PCDH15: variants seen among roughly 807,000 people sequenced by gnomAD.
The protein encoded by PCDH15 is protocadherin-15.
PCDH15 carries 129 observed loss-of-function variants against 178.5 expected under a neutral mutation model. That is an observed-to-expected ratio of 0.72 (90% CI 0.63 to 0.84). PCDH15 has a LOEUF of 0.84. PCDH15 is among the 40% of genes least tolerant of loss of function. PCDH15 has a pLI of 0.00. For synonymous variants in PCDH15, 800 were observed against 732.0 expected (o/e 1.09, Z -1.50); for missense variants, 2,230 against 2,099.9 (o/e 1.06, Z -1.21).
chr10:54,900,755 T>C (rs1404271797), intron 2 of PCDH15, among the ~76,000 whole-genome samples: 1 of 152,188 alleles, frequency 6.6e-6, no homozygotes, highest in African/African-American at 2.4e-5. Context: ...AGTGTGGAAA[T>C]TAACCTTCAG....
At chr10:54,558,147 T>C (rs936794979) in intron 2 of PCDH15, among the ~76,000 whole-genome samples, 2 of 152,130 alleles carry the variant, frequency 1.3e-5, no homozygotes, top group Non-Finnish European at 2.9e-5. Flanking sequence ...GATTGATTAT[T>C]TGTGCAGATG....
chr10:55,441,339 T>C (rs1839178958), intron 2 of PCDH15, among the ~76,000 whole-genome samples: 1 of 152,214 alleles, frequency 6.6e-6, no homozygotes, highest in Non-Finnish European at 1.5e-5. Context: ...ACCTAGCCTT[T>C]GTGTTTGTTC....
At chr10:55,126,607 A>G (rs1009421652) in intron 2 of PCDH15, among the ~76,000 whole-genome samples, 3 of 152,106 alleles carry the variant, frequency 2.0e-5, no homozygotes, top group African/African-American at 7.2e-5. Flanking sequence ...TGCTGAGAAA[A>G]TAGAAGATAC....
At chr10:54,431,862 G>C (rs1957003803) in intron 3 of PCDH15, among the ~76,000 whole-genome samples, 1 of 152,000 alleles carries the variant, frequency 6.6e-6, no homozygotes, top group African/African-American at 2.4e-5. Flanking sequence ...AAAACCTACA[G>C]ACTCTATCAA....
At chr10:54,578,454 T>A (rs1234742257) in intron 2 of PCDH15, among the ~76,000 whole-genome samples, 1 of 152,138 alleles carries the variant, frequency 6.6e-6, no homozygotes, top group Non-Finnish European at 1.5e-5. Context: ...AGAGAATGAT[T>A]TTAGCAGATT....
At chr10:54,112,846 C>A (rs868623426) in intron 15 of PCDH15, among the ~76,000 whole-genome samples, 1 of 152,084 alleles carries the variant, frequency 6.6e-6, no homozygotes, top group Non-Finnish European at 1.5e-5. Flanking sequence ...GGTAACAGTT[C>A]ATTACAGTTC....
rs1209783773 is a variant in PCDH15 at position 54,423,544 on chromosome 10, G to A, written c.158-44602C>T. 5.9e-5 allele frequency among the ~76,000 whole-genome samples: 9 copies of A among 151,890 alleles called. 2 individuals are homozygous for A. On this transcript the variant is annotated intron_variant, in intron 3 of 37. Coordinates refer to ENST00000644397, the MANE Select transcript of PCDH15 (RefSeq NM_001384140.1). The stretch of plus-strand genomic sequence containing the variant: ...GATCATTCACAATTTCTTTAGACAT[G>A]GTGAGGCAGCCACAGGAAGTCTGAA...
intron 25 of PCDH15, among the ~76,000 whole-genome samples, chr10:53,929,546 C>T (rs1013959599): frequency 2.0e-5 from 3 of 152,150 alleles, no homozygotes; most frequent in Middle Eastern, 3.4e-3. Context: ...TGACAGGCTA[C>T]AATATTGTTA....
intron 13 of PCDH15, among the ~76,000 whole-genome samples, chr10:54,178,749 T>C (rs2133740633): frequency 6.6e-6 from 1 of 151,798 alleles, no homozygotes; most frequent in Admixed American, 6.5e-5. Context: ...CATCAAAAAG[T>C]GGGCAAAGAA....
At chr10:54,839,092 C>T (rs185641572) in intron 3 of PCDH15, among the ~76,000 whole-genome samples, 217 of 152,252 alleles carry the variant, frequency 1.4e-3, no homozygotes, top group African/African-American at 4.9e-3. Context: ...TCTTCAAATG[C>T]ACAAACATCA....
chr10:54,677,009 A>T (rs985312238), intron 1 of PCDH15, among the ~76,000 whole-genome samples: 5 of 152,192 alleles, frequency 3.3e-5, no homozygotes, highest in Non-Finnish European at 5.9e-5. Flanking sequence ...AGGTATAGTG[A>T]AAGGGAGAAT....
chr10:55,084,602 G>T (rs1322914029), intron 2 of PCDH15, among the ~76,000 whole-genome samples: 2 of 151,816 alleles, frequency 1.3e-5, no homozygotes, highest in Non-Finnish European at 2.9e-5. Context: ...AAAAGCTCCT[G>T]TACAGCAAAG....
chr10:54,811,471 T>G (rs552773709), intron 3 of PCDH15, among the ~76,000 whole-genome samples: 1 of 152,106 alleles, frequency 6.6e-6, no homozygotes, highest in Admixed American at 6.5e-5. Context: ...TAATTTTTTT[T>G]ATTTTATTTT....
rs371019098 is a variant in PCDH15, at chr10:54,462,948, G to A, written c.157+64864C>T. 1.1e-4 allele frequency among the ~76,000 whole-genome samples: 17 copies of A among 151,858 alleles called. No individual in the cohort carries two copies. In the East Asian group the frequency reaches 1.7e-3, roughly 16 times the overall value. On this transcript the variant is annotated intron_variant, in intron 3 of 37. Transcript: ENST00000644397. ...GTTTCTTTCATAAAACACTAAAAAT[G>A]TTTACATCATTTTAAAACATTTCAA...
At chr10:54,369,943 A>G (rs1181877721) in intron 4 of PCDH15, among the ~76,000 whole-genome samples, 1 of 151,978 alleles carries the variant, frequency 6.6e-6, no homozygotes, top group Non-Finnish European at 1.5e-5. Flanking sequence ...GCAATATTAT[A>G]CTTCATTGTA....
intron 2 of PCDH15, among the ~76,000 whole-genome samples, chr10:55,524,323 T>C (rs1171141566): frequency 2.0e-5 from 3 of 151,600 alleles, no homozygotes; most frequent in African/African-American, 7.3e-5. Context: ...TTTAAGTAAA[T>C]AGCTCCTTCC....
intron 1 of PCDH15, among the ~76,000 whole-genome samples, chr10:54,788,723 A>T (rs757423555): frequency 1.4e-4 from 22 of 151,822 alleles, no homozygotes; most frequent in Non-Finnish European, 1.2e-4. Flanking sequence ...ATGGGGGAAA[A>T]GTCAGCAATA....
At chr10:54,652,347 G>A (rs915790405) in intron 2 of PCDH15, among the ~76,000 whole-genome samples, 4 of 152,098 alleles carry the variant, frequency 2.6e-5, no homozygotes, top group Non-Finnish European at 4.4e-5. Context: ...AGTGACTAAG[G>A]CAACTGAATT....
chr10:55,536,840 G>C (rs1032881523), intron 2 of PCDH15, among the ~76,000 whole-genome samples: 1 of 152,010 alleles, frequency 6.6e-6, no homozygotes, highest in South Asian at 2.1e-4. Flanking sequence ...TAATATAGCT[G>C]CAACTTCTAT....
Sources: gnomAD v4.1 joint callset for allele counts (sites outside exome capture counted in the v4.1 genomes callset) on GRCh38, gnomAD v4.1.1 for gene constraint, MANE v1.5 for transcripts, NCBI Gene and HGNC (gene_info 2026-07-23, HGNC 2026-07-21) for gene names.